The following ARHGAP22 variants were observed in gnomAD, a reference collection of about 807,000 sequenced individuals.
ARHGAP22 encodes rho GTPase-activating protein 22.
In ARHGAP22, 48 loss-of-function variants were observed where a neutral mutation model predicts 59.1. The observed-to-expected ratio is 0.81, with a 90% CI of 0.64 to 1.03. The LOEUF is 1.03. ARHGAP22 is among the 50% of genes least tolerant of loss of function. The probability of loss-of-function intolerance (pLI) is 0.00; values close to 1 mark genes in which losing one functional copy is unlikely to be tolerated. For synonymous variants in ARHGAP22, 445 were observed against 416.4 expected, an observed-to-expected ratio of 1.07 and a Z score of -0.84; for missense variants, 1,015 against 958.7, an observed-to-expected ratio of 1.06 and a Z score of -0.78.
intron 3 of ARHGAP22, among the ~76,000 whole-genome samples, chr10:48,515,520 GAACA>G (rs2053200673): frequency 6.6e-6 from 1 of 152,078 alleles, no homozygotes; most frequent in Non-Finnish European, 1.5e-5. Flanking sequence ...AAACTAGGCA[GAACA>G]TCAACAAGGA....
At chr10:48,604,652 C>G (rs974067862) in intron 1 of ARHGAP22, 111 bp downstream of exon 1, 4 of 1,556,020 alleles carry the variant, frequency 2.6e-6, no homozygotes, top group Non-Finnish European at 3.5e-6. Context: ...GGCAATGGTC[C>G]CAGAACGCCC....
chr10:48,551,927 T>C (rs144150016), intron 3 of ARHGAP22, among the ~76,000 whole-genome samples: 1 of 152,246 alleles, frequency 6.6e-6, no homozygotes, highest in Non-Finnish European at 1.5e-5. Flanking sequence ...GGAAGCCAGA[T>C]GGCTTGGCCT....
chr10:48,458,633 G>A lies in ARHGAP22; in HGVS notation c.659+1051C>T, dbSNP rs185053737. ...ATCCTGGGGAGCTTCCAAAAGTCTC[G>A]GCTCCCAGGCCTTACCCAGGTGACA... On this transcript the variant is annotated intron_variant, in intron 5 of 9. Transcript: ENST00000249601. Among the ~76,000 whole-genome samples, 366 of 152,246 alleles carry A rather than the reference G, an allele frequency of 2.4e-3. 1 individual carries two copies. Among genetic ancestry groups the A allele is most frequent in the African/African-American group, 8.4e-3 (349 of 41,524 alleles).
chr10:48,646,889 C>T (rs999002053), intron 1 of ARHGAP22, among the ~76,000 whole-genome samples: 2 of 152,016 alleles, frequency 1.3e-5, no homozygotes, highest in South Asian at 2.1e-4. Flanking sequence ...AACTGAACTT[C>T]GACAAAATTA....
intron 3 of ARHGAP22, among the ~76,000 whole-genome samples, chr10:48,522,564 G>C (rs7070393): frequency 0.012 from 1,822 of 152,302 alleles, 40 homozygotes; most frequent in African/African-American, 0.04. Flanking sequence ...GGTCAGGAGA[G>C]ACTAAAGCTG....
intron 3 of ARHGAP22, among the ~76,000 whole-genome samples, chr10:48,497,956 A>G (rs1305032127): frequency 6.6e-6 from 1 of 152,168 alleles, no homozygotes; most frequent in Non-Finnish European, 1.5e-5. Flanking sequence ...GGGAGGCGAT[A>G]GACTGAGAGC....
At chr10:48,542,047 G>A (rs533101644) in intron 3 of ARHGAP22, among the ~76,000 whole-genome samples, 1 of 152,212 alleles carries the variant, frequency 6.6e-6, no homozygotes, top group Non-Finnish European at 1.5e-5. Context: ...AATGTGGTGG[G>A]AGCTGTGCAT....
chr10:48,596,829 G>T (rs1279529180), intron 1 of ARHGAP22, among the ~76,000 whole-genome samples: 2 of 152,178 alleles, frequency 1.3e-5, no homozygotes, highest in Admixed American at 6.5e-5. Flanking sequence ...AGAGACATGG[G>T]TCTGATGTGG....
At chr10:48,606,057 T>G (rs1343873570), upstream of ARHGAP22, among the ~76,000 whole-genome samples, 1 of 152,166 alleles carries the variant, frequency 6.6e-6, no homozygotes, top group Admixed American at 6.5e-5. Context: ...GTGTATCCTC[T>G]TAGGCATCTG....
downstream of ARHGAP22, among the ~76,000 whole-genome samples, chr10:48,441,538 G>T (rs1033383548): frequency 6.7e-6 from 1 of 148,174 alleles, no homozygotes; most frequent in Non-Finnish European, 1.5e-5. Context: ...TGCAAACTCC[G>T]CCTCCCAGGT....
chr10:48,565,114 C>T (rs535483930), intron 2 of ARHGAP22, among the ~76,000 whole-genome samples: 2 of 152,308 alleles, frequency 1.3e-5, no homozygotes, highest in Non-Finnish European at 2.9e-5. Context: ...TCCTGTAAGA[C>T]TGTCATGGAA....
chr10:48,502,501 C>T (rs977015239), intron 3 of ARHGAP22, among the ~76,000 whole-genome samples: 1 of 152,154 alleles, frequency 6.6e-6, no homozygotes, highest in African/African-American at 2.4e-5. Flanking sequence ...GCTTGATGAG[C>T]GGAGAGCACC....
intron 1 of ARHGAP22, among the ~76,000 whole-genome samples, chr10:48,583,808 C>A (rs2059262278): frequency 6.6e-6 from 1 of 152,306 alleles, no homozygotes; most frequent in South Asian, 2.1e-4. Context: ...TCTTCTTCAG[C>A]TGTTTGCTGT....
At chr10:48,544,605 C>A (rs1452226221) in intron 3 of ARHGAP22, among the ~76,000 whole-genome samples, 1 of 152,188 alleles carries the variant, frequency 6.6e-6, no homozygotes, top group Non-Finnish European at 1.5e-5. Context: ...ACATTCAGTT[C>A]CATTGCTGAA....
At chr10:48,600,747 C>A (rs745380825) in intron 1 of ARHGAP22, among the ~76,000 whole-genome samples, 6 of 152,186 alleles carry the variant, frequency 3.9e-5, no homozygotes, top group African/African-American at 7.2e-5. Flanking sequence ...CAGCTTGGTT[C>A]TCTCCATGGG....
chr10:48,540,909 G>A (rs939082011), intron 3 of ARHGAP22, among the ~76,000 whole-genome samples: 1 of 151,874 alleles, frequency 6.6e-6, no homozygotes, highest in African/African-American at 2.4e-5. Flanking sequence ...CTTGAGGGAG[G>A]GGATCACATC....
At chr10:48,551,632 CCTCTCAGTACG>C (rs1159276979) in intron 3 of ARHGAP22, among the ~76,000 whole-genome samples, 1 of 152,258 alleles carries the variant, frequency 6.6e-6, no homozygotes, top group Admixed American at 6.5e-5. Context: ...ATTGCTCCCA[CCTCTCAGTACG>C]CTTTATATAC....
intron 4 of ARHGAP22, among the ~76,000 whole-genome samples, chr10:48,462,096 A>G (rs1342057654): frequency 6.6e-6 from 1 of 152,224 alleles, no homozygotes; most frequent in Admixed American, 6.5e-5. Flanking sequence ...GATACCAGCA[A>G]TGCTTTAGGG....
At chr10:48,651,142 A>G (rs567477797) in intron 1 of ARHGAP22, among the ~76,000 whole-genome samples, 5 of 152,292 alleles carry the variant, frequency 3.3e-5, no homozygotes, top group Admixed American at 1.3e-4. Flanking sequence ...TTCATCCAAG[A>G]CCAATTAAAC....
Sources: gnomAD v4.1 joint callset for allele counts (sites outside exome capture counted in the v4.1 genomes callset) on GRCh38, gnomAD v4.1.1 for gene constraint, MANE v1.5 for transcripts, NCBI Gene and HGNC (gene_info 2026-07-23, HGNC 2026-07-21) for gene names.